STK11: variants seen among roughly 807,000 people sequenced by gnomAD.
The protein encoded by STK11 is serine/threonine kinase 11, also known as serine/threonine-protein kinase STK11.
A neutral mutation model predicts 47.3 loss-of-function variants in STK11; 8 were observed. The ratio of observed to expected loss-of-function variants is 0.17; its 90% CI spans 0.10 to 0.31. The LOEUF (loss-of-function observed/expected upper bound fraction) is 0.31, where lower values mean the gene tolerates loss of function less well. STK11 is among the 10% of genes least tolerant of loss of function. STK11 has a pLI of 1.00. For synonymous variants in STK11, 330 were observed against 255.8 expected (o/e 1.29, Z -2.77); for missense variants, 475 against 605.0 (o/e 0.79, Z 2.25).
intron 1 of STK11, among the ~76,000 whole-genome samples, chr19:1,212,699 C>T (rs1008852823): frequency 2.0e-5 from 3 of 152,030 alleles, no homozygotes; most frequent in Admixed American, 6.6e-5. Flanking sequence ...TGCCACCAAG[C>T]CTGGCTAATT....
At chr19:1,218,801 G>A (rs1364541965) in intron 2 of STK11, among the ~76,000 whole-genome samples, 7 of 152,220 alleles carry the variant, frequency 4.6e-5, no homozygotes, top group Non-Finnish European at 1.0e-4. Context: ...GACAGGCCAC[G>A]CGGGCTGACC....
chr19:1,218,119 A>G (rs1164046686), intron 1 of STK11, among the ~76,000 whole-genome samples: 1 of 151,920 alleles, frequency 6.6e-6, no homozygotes, highest in Admixed American at 6.6e-5. Flanking sequence ...GCTCCAGCCT[A>G]GGGACAGAGC....
At chr19:1,224,322 C>T (rs1373025219) in intron 8 of STK11, 8 of 985,256 alleles carry the variant, frequency 8.1e-6, no homozygotes, top group South Asian at 4.7e-5. Context: ...TGCAGCACCA[C>T]GACCATCGCG....
intron 1 of STK11, among the ~76,000 whole-genome samples, chr19:1,211,002 A>T (rs1259899974): frequency 6.6e-6 from 1 of 152,252 alleles, no homozygotes; most frequent in Non-Finnish European, 1.5e-5. Flanking sequence ...CTCTACTAAA[A>T]ATAGAAAAAC....
chr19:1,209,656 C>G (rs1438427231), intron 1 of STK11, among the ~76,000 whole-genome samples: 2 of 151,884 alleles, frequency 1.3e-5, no homozygotes, highest in Admixed American at 6.6e-5. Flanking sequence ...AATGTATATG[C>G]AGGGTCAATG....
Position 1,227,956 on chromosome 19 carries a change from G to A in STK11, c.*380G>A, listed in dbSNP as rs2080839247. 3.7e-6 allele frequency: 4 copies of A among 1,070,022 alleles called. No homozygotes were observed. The highest frequency in any genetic ancestry group is 4.5e-6 in the Non-Finnish European group (4 of 882,200). The allele number at this position is 1,070,022 out of a possible 1,614,324, so 66.3% of individuals were successfully genotyped here. A position where few individuals can be genotyped will look rare whatever the true frequency, so the allele number is the denominator to read the frequency against. Reference sequence around the variant, plus strand: ...GCGGCCCCGCCGCAGACCAGCTGGCGGGTGTGGAGACCAGGCTCCTGACCC... The same window carrying A: ...GCGGCCCCGCCGCAGACCAGCTGGCAGGTGTGGAGACCAGGCTCCTGACCC... On this transcript the variant is annotated 3_prime_UTR_variant, in exon 10 of 10. Coordinates refer to ENST00000326873, the MANE Select transcript of STK11 (RefSeq NM_000455.5).
chr19:1,221,623 T>C, intron 6 of STK11: 1 of 584,426 alleles, frequency 1.7e-6, no homozygotes, highest in Non-Finnish European at 3.0e-6. Context: ...GCTTGCAGGG[T>C]CTGTCAGGGT....
At chr19:1,225,245 A>C in intron 8 of STK11, 1 of 984,734 alleles carries the variant, frequency 1.0e-6, no homozygotes, top group African/African-American at 1.7e-5. Context: ...TATGGGTGCA[A>C]TTGGTGCCTC....
intron 8 of STK11, 101 bp from the exon 9 acceptor site, chr19:1,226,353 C>T (rs999155096): frequency 1.5e-5 from 23 of 1,525,756 alleles, no homozygotes; most frequent in Middle Eastern, 2.3e-4. Context: ...ATGGCCTGGG[C>T]AGCAGCTGTA....
At position 1,206,925 on chromosome 19, in the gene STK11, G is replaced by C; in HGVS notation, c.12G>C (p.Val4=). The change falls in exon 1 of 10, where the codon GTG becomes GTC. Residue 4 remains valine (V), a synonymous_variant. Transcript: ENST00000326873. ...ACCCTGGGTCCAGCATGGAGGTGGT[G>C]GACCCGCAGCAGCTGGGCATGTTCA... is the stretch of plus-strand genomic sequence containing the variant. The part of the protein sequence containing the change: MEV[V]DPQQLGMFTE... The C allele has an allele frequency of 5.7e-6, 9 of 1,585,524 alleles. No individual in the cohort carries two copies. The highest frequency in any genetic ancestry group is 7.7e-6 in the Non-Finnish European group (9 of 1,166,362).
At chr19:1,213,094 T>C (rs2080722871) in intron 1 of STK11, among the ~76,000 whole-genome samples, 1 of 150,310 alleles carries the variant, frequency 6.7e-6, no homozygotes. Flanking sequence ...CCTCCCGGGT[T>C]CACACCATTC....
Sources: gnomAD v4.1 joint callset for allele counts (sites outside exome capture counted in the v4.1 genomes callset) on GRCh38, gnomAD v4.1.1 for gene constraint, MANE v1.5 for transcripts, NCBI Gene and HGNC (gene_info 2026-07-23, HGNC 2026-07-21) for gene names.